VPS13B: variants seen among roughly 807,000 people sequenced by gnomAD.
VPS13B encodes the protein vacuolar protein sorting 13 homolog B.
Under a neutral mutation model 426.4 loss-of-function variants are expected in VPS13B, and 285 were observed. The observed-to-expected ratio is 0.67, with a 90% CI of 0.61 to 0.74. The LOEUF is 0.74. Among genes scored for constraint, VPS13B ranks in the 30% least tolerant of loss-of-function variants. VPS13B has a pLI of 0.00. For missense variants in VPS13B, 4,537 were observed against 4,782.6 expected (o/e 0.95, Z 1.51); for synonymous variants, 1,676 against 1,676.4 (o/e 1.00, Z 0.01).
intron 36 of VPS13B, among the ~76,000 whole-genome samples, chr8:99,700,165 G>C (rs1210372679): frequency 2.0e-5 from 3 of 152,108 alleles, no homozygotes; most frequent in Non-Finnish European, 4.4e-5. Flanking sequence ...TGTTCTTCCA[G>C]GTATCTAAAA....
chr8:99,028,138 C>T (rs900317245), intron 2 of VPS13B, among the ~76,000 whole-genome samples: 4 of 152,158 alleles, frequency 2.6e-5, no homozygotes, highest in South Asian at 2.1e-4. Flanking sequence ...GGCAACCATC[C>T]GATTTCTCAA....
At chr8:99,234,492 A>C in intron 17 of VPS13B, 5 of 532,398 alleles carry the variant, frequency 9.4e-6, no homozygotes, top group Non-Finnish European at 1.5e-5. Flanking sequence ...CCGACTCTAC[A>C]CGCCGGTAGG....
At chr8:99,756,385 T>C (rs1810644954) in intron 39 of VPS13B, among the ~76,000 whole-genome samples, 1 of 152,068 alleles carries the variant, frequency 6.6e-6, no homozygotes, top group African/African-American at 2.4e-5. Context: ...AGTGTACCAA[T>C]ATATGCATAG....
chr8:99,774,781 G>T (rs1381698179), intron 40 of VPS13B, among the ~76,000 whole-genome samples: 1 of 152,166 alleles, frequency 6.6e-6, no homozygotes, highest in Non-Finnish European at 1.5e-5. Flanking sequence ...TCTTGCCAAT[G>T]AAATCTTTTG....
At chr8:99,232,715 G>T (rs375754045) in intron 17 of VPS13B, among the ~76,000 whole-genome samples, 1 of 152,144 alleles carries the variant, frequency 6.6e-6, no homozygotes, top group Non-Finnish European at 1.5e-5. Context: ...CTTTGAACAC[G>T]TTCACCTATG....
rs140003238 is a variant in VPS13B at position 99,870,932 on chromosome 8, T to C, written c.11495+45T>C. The C allele has an allele frequency of 1.8e-3, 2,872 of 1,582,518 alleles. 14 individuals are homozygous for C. Among genetic ancestry groups the C allele is most frequent in the Middle Eastern group, 4.2e-3 (25 of 6,008 alleles). On this transcript the variant is annotated intron_variant, in intron 60 of 61. Coordinates refer to ENST00000357162, the MANE Select transcript of VPS13B (RefSeq NM_152564.5). ...TGCTCAACTTTACATCCATATTGTA[T>C]GTTAATAGCTCCTGGCTTGCTCTCA...
rs1847928596 is a variant in VPS13B, at chr8:99,121,456, T to G, written c.1206+11T>G. 2 of 1,613,844 alleles carry G rather than the reference T, an allele frequency of 1.2e-6. No homozygotes were observed. The highest frequency in any genetic ancestry group is 2.7e-5 in the African/African-American group (2 of 74,884). On this transcript the variant is annotated intron_variant, in intron 8 of 61. Transcript: ENST00000357162. ...ACGGTGACTTTCAAAGTAGGTCTTT[T>G]CTCTTGCTGTTTATATCTCTATCAA... is the stretch of plus-strand genomic sequence containing the variant.
intron 33 of VPS13B, among the ~76,000 whole-genome samples, chr8:99,626,883 C>G (rs1828637308): frequency 6.6e-6 from 1 of 152,066 alleles, no homozygotes; most frequent in Non-Finnish European, 1.5e-5. Context: ...TGTTTATCAA[C>G]AGATGAATGG....
At chr8:99,328,250 C>T (rs1210984728) in intron 19 of VPS13B, among the ~76,000 whole-genome samples, 1 of 152,104 alleles carries the variant, frequency 6.6e-6, no homozygotes, top group Non-Finnish European at 1.5e-5. Flanking sequence ...AATCGCCATC[C>T]CTGAACCAAG....
At chr8:99,510,873 C>T (rs945789445) in intron 28 of VPS13B, among the ~76,000 whole-genome samples, 3 of 152,084 alleles carry the variant, frequency 2.0e-5, no homozygotes, top group Non-Finnish European at 4.4e-5. Flanking sequence ...TTAATAACCT[C>T]CCTCAAGATC....
At chr8:99,822,297 AG>A (rs1814414006) in intron 50 of VPS13B, among the ~76,000 whole-genome samples, 1 of 152,176 alleles carries the variant, frequency 6.6e-6, no homozygotes, top group Admixed American at 6.5e-5. Flanking sequence ...TTTTGAGAAA[AG>A]TTAGGGTCAT....
intron 30 of VPS13B, among the ~76,000 whole-genome samples, chr8:99,524,913 T>C (rs1046252039): frequency 6.6e-6 from 1 of 152,184 alleles, no homozygotes; most frequent in African/African-American, 2.4e-5. Context: ...AAAACAGTTG[T>C]ACCCTAGAAT....
At chr8:99,401,415 A>G (rs547456272) in intron 21 of VPS13B, among the ~76,000 whole-genome samples, 70 of 152,360 alleles carry the variant, frequency 4.6e-4, no homozygotes, top group Middle Eastern at 6.8e-3. Flanking sequence ...AAATTGTAAT[A>G]TGCCACAATT....
chr8:99,708,958 G>A (rs998587005), intron 36 of VPS13B, among the ~76,000 whole-genome samples: 3 of 151,850 alleles, frequency 2.0e-5, no homozygotes, highest in South Asian at 4.2e-4. Flanking sequence ...GATCAAGGGC[G>A]GGGACGAACA....
chr8:99,181,522 G>T (rs1175334725), intron 16 of VPS13B, among the ~76,000 whole-genome samples: 1 of 152,158 alleles, frequency 6.6e-6, no homozygotes, highest in African/African-American at 2.4e-5. Flanking sequence ...TTCCTCATTT[G>T]TAAAAGGGGC....
intron 30 of VPS13B, among the ~76,000 whole-genome samples, chr8:99,549,638 C>T (rs1005760841): frequency 6.6e-6 from 1 of 152,120 alleles, no homozygotes; most frequent in Non-Finnish European, 1.5e-5. Context: ...GCAAGCCCAT[C>T]TTGTGGGCTG....
chr8:99,602,773 T>C (rs1827376273), intron 33 of VPS13B, among the ~76,000 whole-genome samples: 1 of 152,170 alleles, frequency 6.6e-6, no homozygotes, highest in Non-Finnish European at 1.5e-5. Flanking sequence ...TGAACTCCCA[T>C]TCACAGTTGC....
chr8:99,095,254 A>G (rs1846358767), intron 3 of VPS13B, among the ~76,000 whole-genome samples: 1 of 152,170 alleles, frequency 6.6e-6, no homozygotes, highest in African/African-American at 2.4e-5. Context: ...TATAGTTGTT[A>G]ACATTACCCC....
At chr8:99,401,871 C>CATAA (rs992103290) in intron 21 of VPS13B, among the ~76,000 whole-genome samples, 20 of 151,938 alleles carry the variant, frequency 1.3e-4, no homozygotes, top group Non-Finnish European at 2.2e-4. Context: ...TCTCTAAATA[C>CATAA]ATAAATAAAT....
Sources: allele counts gnomAD v4.1 joint callset (sites outside exome capture counted in the v4.1 genomes callset), GRCh38; gene constraint gnomAD v4.1.1; transcripts MANE v1.5; gene names NCBI Gene and HGNC (gene_info 2026-07-23, HGNC 2026-07-21).